The following NCOR1 variants were observed in gnomAD, a reference collection of about 807,000 sequenced individuals.
The protein encoded by NCOR1 is nuclear receptor corepressor 1.
NCOR1 carries 63 observed loss-of-function variants against 288.1 expected under a neutral mutation model. The observed-to-expected ratio is 0.22, with a 90% confidence interval of 0.18 to 0.27. The LOEUF is 0.27. Among genes scored for constraint, NCOR1 ranks in the 10% least tolerant of loss-of-function variants. NCOR1 has a pLI of 1.00. For missense variants in NCOR1, 2,397 were observed against 3,019.2 expected, an observed-to-expected ratio of 0.79 and a Z score of 4.83; for synonymous variants, 1,007 against 1,065.9, an observed-to-expected ratio of 0.94 and a Z score of 1.08.
At position 16,139,094 on chromosome 17, in the gene NCOR1, C is replaced by T. The variant is rs761867754; in HGVS notation, c.1266G>A (p.Gly422=). 2 of 1,613,072 alleles carry T rather than the reference C, an allele frequency of 1.2e-6. No homozygotes were observed. The highest frequency in any genetic ancestry group is 2.7e-5 in the African/African-American group (2 of 74,900). The stretch of plus-strand genomic sequence containing the variant: ...ACACTTTCATAGGGTCCTCCATAAG[C>T]CCATTCATGTTAATGAACTTGACTC... ...QRRVKFINMN[G]LMEDPMKVYK... The change falls in exon 12 of 46, where the codon GGG becomes GGA. Residue 422 remains glycine, a synonymous_variant. Transcript: ENST00000268712.
intron 6 of NCOR1, among the ~76,000 whole-genome samples, chr17:16,156,475 AAAG>A (rs1253229692): frequency 3.3e-4 from 50 of 149,776 alleles, no homozygotes; most frequent in African/African-American, 1.1e-3. Flanking sequence ...GCGAAAAAAA[AAAG>A]AAAAGAAAAG....
chr17:16,110,877 G>T (rs1340570486), intron 18 of NCOR1, among the ~76,000 whole-genome samples: 2 of 152,186 alleles, frequency 1.3e-5, no homozygotes, highest in African/African-American at 4.8e-5. Flanking sequence ...TTCATAGCAG[G>T]AATGCAAGAG....
chr17:16,138,063 T>C, intron 13 of NCOR1, 95 bp downstream of exon 13: 1 of 945,268 alleles, frequency 1.1e-6, no homozygotes, highest in East Asian at 2.5e-5. Flanking sequence ...TTAAAATCGG[T>C]TCTAGTTAAC....
At chr17:16,100,319 A>G (rs561570109) in intron 20 of NCOR1, among the ~76,000 whole-genome samples, 2 of 152,294 alleles carry the variant, frequency 1.3e-5, no homozygotes, top group South Asian at 4.1e-4. Flanking sequence ...CATTTTTTGT[A>G]TAATTAATTA....
intron 3 of NCOR1, among the ~76,000 whole-genome samples, chr17:16,185,686 A>G (rs1455942326): frequency 1.3e-4 from 19 of 142,012 alleles, no homozygotes; most frequent in Non-Finnish European, 2.7e-4. Flanking sequence ...TCTTTCTCAA[A>G]AAAAAAAAAA....
At chr17:16,138,292 G>C in intron 12 of NCOR1, 80 bp from the exon 13 acceptor site, 3 of 1,276,968 alleles carry the variant, frequency 2.3e-6, no homozygotes, top group Non-Finnish European at 3.3e-6. Context: ...GGAAAAGAAA[G>C]ACTATGTATA....
chr17:16,054,585 G>A (rs980204014), intron 40 of NCOR1, among the ~76,000 whole-genome samples: 1 of 151,882 alleles, frequency 6.6e-6, no homozygotes, highest in East Asian at 1.9e-4. Context: ...AGACATATAT[G>A]CAGCCAAGAA....
rs1346993025 is a variant in NCOR1, at chr17:16,040,214, TTA to T, written c.6733+225_6733+226del. ...AGTTCCCTAGTTTTGACAGTGTTCT[TTA>T]ATAGTTTCATTCTTTTTGTTCATTT... On this transcript the variant is annotated intron_variant, in intron 43 of 45. Coordinates refer to ENST00000268712, the MANE Select transcript of NCOR1 (RefSeq NM_006311.4). 9.4e-6 allele frequency: 6 copies of T among 638,352 alleles called. No homozygotes were observed. The African/African-American group carries it at 1.1e-4, about 11-fold the overall frequency. 39.5% of individuals were successfully genotyped at this position (638,352 alleles called of 1,614,324 possible). A position where few individuals can be genotyped will look rare whatever the true frequency, so the allele number is the denominator to read the frequency against.
chr17:16,192,767 T>C (rs1225863791), intron 2 of NCOR1, among the ~76,000 whole-genome samples: 2 of 152,202 alleles, frequency 1.3e-5, no homozygotes, highest in Non-Finnish European at 2.9e-5. Context: ...AACAAACATA[T>C]AGATATATGT....
chr17:16,199,579 C>T (rs904256726), intron 1 of NCOR1, among the ~76,000 whole-genome samples: 2 of 152,116 alleles, frequency 1.3e-5, no homozygotes, highest in African/African-American at 4.8e-5. Context: ...CACTAAGATA[C>T]CTCGGCAGAA....
chr17:16,032,887 C>T (rs937253639), intron 45 of NCOR1, among the ~76,000 whole-genome samples: 1 of 152,176 alleles, frequency 6.6e-6, no homozygotes, highest in Admixed American at 6.5e-5. Flanking sequence ...TACCCAGGAA[C>T]GTCTGCAGAC....
chr17:16,098,585 A>G, intron 20 of NCOR1, 89 bp from the exon 21 acceptor site: 1 of 1,133,280 alleles, frequency 8.8e-7, no homozygotes, highest in Non-Finnish European at 1.3e-6. Context: ...GTTAGTATGT[A>G]CATACACATG....
In NCOR1 at chr17:16,064,614, C is replaced by CAA. The variant is rs142023994; in HGVS notation, c.5101+254_5101+255dup. ...CCAGACTCTGTCTCCAAAACAAAAA[C>CAA]AAAAAAAAAACAAGAAAAGAGAAAA... On this transcript the variant is annotated intron_variant, in intron 34 of 45. Transcript: ENST00000268712. Among the ~76,000 whole-genome samples the CAA allele has an allele frequency of 1.4e-3, 194 of 142,778 alleles. 1 individual carries two copies. The highest frequency in any genetic ancestry group is 4.6e-3 in the African/African-American group (182 of 39,158). 93.7% of individuals were successfully genotyped at this position (142,778 alleles called of 152,430 possible).
intron 22 of NCOR1, 149 bp downstream of exon 22, chr17:16,091,714 A>G (rs753630076): frequency 7.8e-5 from 115 of 1,469,306 alleles, no homozygotes; most frequent in Non-Finnish European, 9.6e-5. Flanking sequence ...TTCATAGTTT[A>G]AGGTCAATTT....
chr17:16,058,780 C>T (rs1440639501), intron 37 of NCOR1, among the ~76,000 whole-genome samples, 181 bp from the exon 38 acceptor site: 1 of 151,986 alleles, frequency 6.6e-6, no homozygotes, highest in Non-Finnish European at 1.5e-5. Context: ...GGTGCAGTGG[C>T]TCATGGCTGT....
chr17:16,159,086 T>TA (rs35251798), intron 5 of NCOR1, among the ~76,000 whole-genome samples: 11 of 150,516 alleles, frequency 7.3e-5, no homozygotes, highest in East Asian at 5.9e-4. Flanking sequence ...AGATAGAGTT[T>TA]AAAAAAAAAA....
At chr17:16,195,760 AG>A (rs1251915010) in intron 1 of NCOR1, among the ~76,000 whole-genome samples, 1 of 152,216 alleles carries the variant, frequency 6.6e-6, no homozygotes. Context: ...ATTCTGGATG[AG>A]AACACATAAA....
intron 19 of NCOR1, among the ~76,000 whole-genome samples, chr17:16,102,474 C>T (rs1157587632): frequency 6.6e-6 from 1 of 151,726 alleles, no homozygotes; most frequent in Non-Finnish European, 1.5e-5. Context: ...TTTAATTAAC[C>T]CAGTATATGT....
intron 2 of NCOR1, among the ~76,000 whole-genome samples, chr17:16,192,586 G>A (rs2088695994): frequency 6.6e-6 from 1 of 152,134 alleles, no homozygotes; most frequent in African/African-American, 2.4e-5. Flanking sequence ...AACCCAGGAG[G>A]CAGAGGATGC....
Sources: gnomAD v4.1 joint callset for allele counts (sites outside exome capture counted in the v4.1 genomes callset) on GRCh38, gnomAD v4.1.1 for gene constraint, MANE v1.5 for transcripts, NCBI Gene and HGNC (gene_info 2026-07-23, HGNC 2026-07-21) for gene names.